The following RILPL1 variants were observed in gnomAD, a reference collection of about 807,000 sequenced individuals.
The protein encoded by RILPL1 is Rab interacting lysosomal protein like 1, also known as RILP-like protein 1.
RILPL1 carries 33 observed loss-of-function variants against 50.3 expected under a neutral mutation model. The observed-to-expected ratio is 0.66, with a 90% CI of 0.50 to 0.88. RILPL1 has a LOEUF of 0.88. Among genes scored for constraint, RILPL1 ranks in the 40% least tolerant of loss-of-function variants. RILPL1 has a pLI of 0.00. For missense variants in RILPL1, 418 were observed against 542.5 expected (o/e 0.77, Z 2.28); for synonymous variants, 205 against 228.6 (o/e 0.90, Z 0.93).
At chr12:123,493,208 G>A (rs368393751) in intron 4 of RILPL1, among the ~76,000 whole-genome samples, 108 of 152,288 alleles carry the variant, frequency 7.1e-4, no homozygotes, top group African/African-American at 2.5e-3. Context: ...TGGGACATGC[G>A]GGCAGCAATA....
chr12:123,517,022 C>A (rs57354242), intron 2 of RILPL1, among the ~76,000 whole-genome samples: 11,659 of 152,078 alleles, frequency 0.077, 1,413 homozygotes, highest in African/African-American at 0.26. Flanking sequence ...GAGCCAAGAT[C>A]GCACCACTGC....
chr12:123,500,013 G>C (rs923254482), intron 2 of RILPL1, among the ~76,000 whole-genome samples: 1 of 151,096 alleles, frequency 6.6e-6, no homozygotes, highest in Admixed American at 6.6e-5. Context: ...CTCACTGCAG[G>C]CTCCTCCTCC....
chr12:123,523,372 C>T, intron 2 of RILPL1, 123 bp downstream of exon 2: 1 of 1,147,886 alleles, frequency 8.7e-7, no homozygotes, highest in Non-Finnish European at 1.3e-6. Context: ...ATACAGAAGG[C>T]AAAGGGCTTT....
intron 2 of RILPL1, chr12:123,515,453 T>G (rs1884629587): frequency 6.6e-6 from 1 of 151,386 alleles, no homozygotes; most frequent in Non-Finnish European, 1.5e-5. Context: ...GTTTTTTTTT[T>G]GTCTGTCTGT....
intron 2 of RILPL1, among the ~76,000 whole-genome samples, chr12:123,511,367 CTGTG>C (rs1453271591): frequency 1.5e-5 from 1 of 65,016 alleles, no homozygotes; most frequent in Admixed American, 1.6e-4. Flanking sequence ...TGTGTGGTGT[CTGTG>C]TGAGGTCTGT....
At chr12:123,517,486 A>G (rs1040856278) in intron 2 of RILPL1, among the ~76,000 whole-genome samples, 1 of 150,246 alleles carries the variant, frequency 6.7e-6, no homozygotes, top group African/African-American at 2.5e-5. Context: ...AGCGGTGGCA[A>G]TCTCGGCTCA....
At chr12:123,510,029 CT>C (rs1883989240) in intron 2 of RILPL1, among the ~76,000 whole-genome samples, 1 of 152,228 alleles carries the variant, frequency 6.6e-6, no homozygotes, top group Non-Finnish European at 1.5e-5. Flanking sequence ...GAAGGCCCCC[CT>C]GGACCCTTGG....
chr12:123,517,975 G>A (rs1884801176), intron 2 of RILPL1, among the ~76,000 whole-genome samples: 1 of 152,136 alleles, frequency 6.6e-6, no homozygotes, highest in Admixed American at 6.5e-5. Flanking sequence ...AGACAAAAAA[G>A]GAAAAATACG....
chr12:123,523,707 C>A, intron 1 of RILPL1, 62 bp from the exon 2 acceptor site: 1 of 1,558,220 alleles, frequency 6.4e-7, no homozygotes, highest in Non-Finnish European at 8.6e-7. Flanking sequence ...CCCACCCACT[C>A]CGACCCTCAG....
Position 123,498,478 on chromosome 12 carries a change from G to C in RILPL1, c.801+66C>G. 2 of 1,447,712 alleles carry C rather than the reference G, an allele frequency of 1.4e-6. No homozygotes were observed. Among genetic ancestry groups the C allele is most frequent in the Admixed American group, 3.4e-5 (2 of 58,584 alleles). The allele number at this position is 1,447,712 out of a possible 1,614,324, so 89.7% of individuals were successfully genotyped here. On this transcript the variant is annotated intron_variant, in intron 4 of 6. Transcript: ENST00000376874. The surrounding 1 kb of genome is among the most constrained non-coding windows in gnomAD (Gnocchi z 4.3). ...ATAATGGGGAAAACAAGGCAACCCT[G>C]CCTGCCTTAAGCCAACCCCCAGACT...
chr12:123,485,868 T>C lies in RILPL1; in HGVS notation c.802-63A>G. On this transcript the variant is annotated intron_variant, in intron 4 of 6. Transcript: ENST00000376874. This position sits in a 1 kb window ranked among gnomAD's most constrained non-coding sequence, Gnocchi z 4.0. ...AGCCACTGCCAGCACCCACTCTCTA[T>C]CCTGAAGGAGCCCAAATTCTCCCCC... 6.7e-6 allele frequency: 10 copies of C among 1,493,256 alleles called. No individual in the cohort carries two copies. The highest frequency in any genetic ancestry group is 1.4e-5 in the African/African-American group (1 of 70,172). 92.5% of individuals were successfully genotyped at this position (1,493,256 alleles called of 1,614,324 possible). A position where few individuals can be genotyped will look rare whatever the true frequency, so the allele number is the denominator to read the frequency against.
chr12:123,479,363 A>C (rs1409752009), intron 6 of RILPL1, among the ~76,000 whole-genome samples: 1 of 152,110 alleles, frequency 6.6e-6, no homozygotes, highest in Non-Finnish European at 1.5e-5. Flanking sequence ...ACCAGTTAAC[A>C]GTGGGAAGCA....
At chr12:123,524,202 C>G (rs1480668780) in intron 1 of RILPL1, among the ~76,000 whole-genome samples, 2 of 152,186 alleles carry the variant, frequency 1.3e-5, no homozygotes, top group Non-Finnish European at 2.9e-5. Flanking sequence ...AAAACAAAGG[C>G]TCACGAAGTG....
chr12:123,493,376 G>C (rs958333458), intron 4 of RILPL1, among the ~76,000 whole-genome samples: 1 of 152,086 alleles, frequency 6.6e-6, no homozygotes, highest in Non-Finnish European at 1.5e-5. Context: ...TCCCCCTCTC[G>C]GAGAAACACC....
chr12:123,502,380 CAG>C (rs1364277462), intron 2 of RILPL1, among the ~76,000 whole-genome samples: 1 of 152,216 alleles, frequency 6.6e-6, no homozygotes, highest in Non-Finnish European at 1.5e-5. Flanking sequence ...GTCGTTTTTC[CAG>C]AGTCTTTTTT....
At chr12:123,476,515 G>A (rs796610942) in intron 6 of RILPL1, among the ~76,000 whole-genome samples, 5 of 151,980 alleles carry the variant, frequency 3.3e-5, no homozygotes, top group African/African-American at 1.2e-4. Context: ...CTGGAGTAGG[G>A]TGGGTTCTAA....
chr12:123,506,955 C>T (rs1883787366), intron 2 of RILPL1, among the ~76,000 whole-genome samples: 1 of 152,130 alleles, frequency 6.6e-6, no homozygotes, highest in Admixed American at 6.6e-5. Context: ...TAAGACCCCA[C>T]AGAGACGTCA....
intron 2 of RILPL1, among the ~76,000 whole-genome samples, chr12:123,503,846 A>G (rs1049686598): frequency 6.6e-6 from 1 of 150,442 alleles, no homozygotes; most frequent in Non-Finnish European, 1.5e-5. Flanking sequence ...CTAAAAATAC[A>G]AAAAATTAGC....
rs537531308 is a variant in RILPL1 at position 123,489,555 on chromosome 12, T to A, written c.802-3750A>T. On this transcript the variant is annotated intron_variant, in intron 4 of 6. Transcript: ENST00000376874. This position sits in a 1 kb window ranked among gnomAD's most constrained non-coding sequence, Gnocchi z 4.0. ...GGTGGGCACCTGTAATCCCAGCTGC[T>A]CGGGAGGCTGAGGCAGGAGAATTGC... Among the ~76,000 whole-genome samples the A allele has an allele frequency of 1.5e-4, 23 of 151,976 alleles. No homozygotes were observed. The highest frequency in any genetic ancestry group is 5.3e-4 in the African/African-American group (22 of 41,432).
Sources: gnomAD v4.1 joint callset for allele counts (sites outside exome capture counted in the v4.1 genomes callset) on GRCh38, gnomAD v4.1.1 for gene constraint, Gnocchi (gnomAD v3.1) non-coding constraint, MANE v1.5 for transcripts, NCBI Gene and HGNC (gene_info 2026-07-23, HGNC 2026-07-21) for gene names.